CEP68: variants seen among roughly 807,000 people sequenced by gnomAD.
CEP68 encodes the protein centrosomal protein 68.
In CEP68, 26 loss-of-function variants were observed where a neutral mutation model predicts 55.3. That is an observed-to-expected ratio of 0.47 (90% CI 0.34 to 0.65). CEP68 has a LOEUF of 0.65. Among genes scored for constraint, CEP68 ranks in the 30% least tolerant of loss-of-function variants. CEP68 has a pLI of 0.01. For synonymous variants in CEP68, 402 were observed against 383.2 expected, an observed-to-expected ratio of 1.05 and a Z score of -0.57; for missense variants, 957 against 946.7, an observed-to-expected ratio of 1.01 and a Z score of -0.14.
At chr2:65,073,049 C>T (rs114601326) in intron 3 of CEP68, 69 bp downstream of exon 3, 18,789 of 1,520,602 alleles carry the variant, frequency 0.012, 145 homozygotes, top group Non-Finnish European at 0.015. Flanking sequence ...CCACTAACAT[C>T]ATAATAAAAC....
At chr2:65,080,025 C>A (rs1192944540) in intron 5 of CEP68, among the ~76,000 whole-genome samples, 1 of 151,890 alleles carries the variant, frequency 6.6e-6, no homozygotes, top group Non-Finnish European at 1.5e-5. Flanking sequence ...CCCAGCCACT[C>A]TGGAGGCTGA....
intron 1 of CEP68, among the ~76,000 whole-genome samples, chr2:65,060,542 C>T (rs1414557022): frequency 6.6e-6 from 1 of 151,552 alleles, no homozygotes; most frequent in Non-Finnish European, 1.5e-5. Flanking sequence ...CCAGTCCGGG[C>T]AACATAGCGA....
chr2:65,071,848 A>G lies in CEP68; in HGVS notation c.752A>G (p.Gln251Arg). The change falls in exon 3 of 7, where the codon CAG becomes CGG. Residue 251 changes from glutamine to arginine, a missense_variant. Physicochemically the swap from Gln to Arg is conservative, Grantham distance 43 (BLOSUM62 1). Transcript: ENST00000377990. Reference protein sequence around the residue: ...GLGPRPQWSPQPVFSGGDASG... With the variant: ...GLGPRPQWSPRPVFSGGDASG... Reference sequence around the variant, plus strand: ...GGACCTCGGCCCCAGTGGTCACCACAGCCTGTGTTCTCTGGGGGTGATGCT... The same window carrying G: ...GGACCTCGGCCCCAGTGGTCACCACGGCCTGTGTTCTCTGGGGGTGATGCT... 1 of 1,605,608 alleles carries G rather than the reference A, an allele frequency of 6.2e-7. No homozygotes were observed. The highest frequency in any genetic ancestry group is 1.3e-5 in the African/African-American group (1 of 74,812).
chr2:65,085,181 G>A lies in CEP68; in HGVS notation c.*1547G>A, dbSNP rs923391690. 1.3e-5 allele frequency: 2 copies of A among 152,296 alleles called. No individual in the cohort carries two copies. Among genetic ancestry groups the A allele is most frequent in the Non-Finnish European group, 1.5e-5 (1 of 68,026 alleles). 9.4% of individuals were successfully genotyped at this position (152,296 alleles called of 1,614,324 possible). A position where few individuals can be genotyped will look rare whatever the true frequency, so the allele number is the denominator to read the frequency against. Reference sequence around the variant, plus strand: ...TTACTAATATTTGACAGGCATAGAAGTGTATTAATTAGCATAAAAGTTGGA... The same window carrying A: ...TTACTAATATTTGACAGGCATAGAAATGTATTAATTAGCATAAAAGTTGGA... On this transcript the variant is annotated 3_prime_UTR_variant, in exon 7 of 7. Transcript: ENST00000377990.
At chr2:65,063,782 C>A (rs146241985) in intron 1 of CEP68, among the ~76,000 whole-genome samples, 1 of 152,162 alleles carries the variant, frequency 6.6e-6, no homozygotes, top group Admixed American at 6.6e-5. Flanking sequence ...GTGTTTTCTT[C>A]GGCATGATTG....
Position 65,086,662 on chromosome 2 carries a change from T to A in CEP68, c.*3028T>A, listed in dbSNP as rs1260719771. 1 of 152,438 alleles carries A rather than the reference T, an allele frequency of 6.6e-6. No individual in the cohort carries two copies. The highest frequency in any genetic ancestry group is 1.5e-5 in the Non-Finnish European group (1 of 68,050). The allele number at this position is 152,438 out of a possible 1,614,324, so 9.4% of individuals were successfully genotyped here. A position where few individuals can be genotyped will look rare whatever the true frequency, so the allele number is the denominator to read the frequency against. ...GTGCACGGCATGGCATCACAGTATC[T>A]TGACATTTGTTTTGTGTCATTTAGC... On this transcript the variant is annotated 3_prime_UTR_variant, in exon 7 of 7. Transcript: ENST00000377990.
At chr2:65,078,488 TGA>T (rs974771111) in intron 5 of CEP68, among the ~76,000 whole-genome samples, 13 of 152,278 alleles carry the variant, frequency 8.5e-5, no homozygotes, top group Admixed American at 3.3e-4. Context: ...GAAGAACTGA[TGA>T]GAGGGGACAG....
intron 5 of CEP68, among the ~76,000 whole-genome samples, chr2:65,078,823 C>A (rs761809265): frequency 5.3e-5 from 8 of 152,224 alleles, no homozygotes; most frequent in Non-Finnish European, 8.8e-5. Context: ...GGATTACAGG[C>A]GTGAGCCACT....
At chr2:65,056,959 G>A (rs976543386) in intron 1 of CEP68, among the ~76,000 whole-genome samples, 1 of 152,214 alleles carries the variant, frequency 6.6e-6, no homozygotes, top group African/African-American at 2.4e-5. Context: ...TCCCCAGTCG[G>A]GGCTAATGCA....
Position 65,082,574 on chromosome 2 carries a change from G to T in CEP68, c.2143G>T (p.Gly715Cys), listed in dbSNP as rs1668883797. The change falls in exon 6 of 7, where the codon GGT becomes TGT. Residue 715 changes from glycine (G) to cysteine (C), a missense_variant. By Grantham distance (159) the Gly-to-Cys change is radical (BLOSUM62 -3). Coordinates refer to ENST00000377990, the MANE Select transcript of CEP68 (RefSeq NM_015147.3). ...CCTTGGGAGGATCGCAAAGCAGTCT[G>T]GTGAGCTGGAGAGCCACGCAGATCG... ...DVLGRIAKQS[G>C]ELESHADRLY... 3 of 1,598,566 alleles carry T rather than the reference G, an allele frequency of 1.9e-6. No individual in the cohort carries two copies. Among genetic ancestry groups the T allele is most frequent in the Non-Finnish European group, 2.6e-6 (3 of 1,175,304 alleles).
In CEP68 at chr2:65,072,422, C is replaced by A; in HGVS notation, c.1326C>A (p.Asp442Glu). 1.2e-6 allele frequency: 2 copies of A among 1,614,042 alleles called. No individual in the cohort carries two copies. The highest frequency in any genetic ancestry group is 1.1e-5 in the South Asian group (1 of 91,082). ...DMGSPQLRTR[D>E]RGWPSPRPER... is the part of the protein sequence containing the mutation. ...GCTCTCCCCAGCTAAGGACACGGGA[C>A]AGAGGGTGGCCCTCGCCCAGGCCAG... Residue 442 changes from aspartate (D) to glutamate (E), a missense_variant, in exon 3 of 7, where the codon GAC becomes GAA. By Grantham distance (45) the Asp-to-Glu change is conservative. Transcript: ENST00000377990.
At chr2:65,082,749 C>G in intron 6 of CEP68, 40 bp downstream of exon 6, 1 of 1,480,052 alleles carries the variant, frequency 6.8e-7, no homozygotes, top group Non-Finnish European at 9.0e-7. Flanking sequence ...GCCCACCAAC[C>G]CTGCTGTAAC....
intron 1 of CEP68, among the ~76,000 whole-genome samples, chr2:65,068,212 G>A (rs1388764755): frequency 6.6e-6 from 1 of 152,084 alleles, no homozygotes; most frequent in African/African-American, 2.4e-5. Flanking sequence ...CCTCCTGTTG[G>A]CTTTTTGGCC....
In CEP68 at chr2:65,072,092, CG is replaced by C. The variant is rs762904100; in HGVS notation, c.1000del (p.Val334Ter). The C allele has an allele frequency of 2.5e-6, 4 of 1,613,932 alleles. No homozygotes were observed. The highest frequency in any genetic ancestry group is 3.4e-6 in the Non-Finnish European group (4 of 1,180,026). ...VPADPVLQDSGVDLDSFSVSP... is the reference protein window; with the variant it reads ...VPADPVLQDSXVDLDSFSVSP... ...CAGCTGACCCTGTCCTGCAGGACTC[CG>C]GGGTAGACCTGGATAGCTTCTCTGT... On this transcript the variant is annotated frameshift_variant, in exon 3 of 7. Transcript: ENST00000377990. LOFTEE classifies it high-confidence loss of function.
At chr2:65,064,047 A>G (rs1258804123) in intron 1 of CEP68, among the ~76,000 whole-genome samples, 3 of 152,228 alleles carry the variant, frequency 2.0e-5, no homozygotes, top group African/African-American at 7.2e-5. Flanking sequence ...TATCCAGTCT[A>G]AGAAAGTAAC....
intron 4 of CEP68, among the ~76,000 whole-genome samples, chr2:65,076,995 C>CT (rs573128823): frequency 0.65 from 76,673 of 118,234 alleles, 25,530 homozygotes; most frequent in African/African-American, 0.66. Context: ...TTGACTTTAC[C>CT]TTTTTTTTTT....
chr2:65,057,208 AGCCTGCCAGGGCAGATTGGACCTCACT>A (rs1675669132), intron 1 of CEP68, among the ~76,000 whole-genome samples: 1 of 152,250 alleles, frequency 6.6e-6, no homozygotes, highest in African/African-American at 2.4e-5. Context: ...AATGAGCGGA[AGCCTGCCAGGGCAGATTGGACCTCACT>A]GGGAATTCAT....
intron 1 of CEP68, among the ~76,000 whole-genome samples, chr2:65,057,585 C>G (rs961417539): frequency 2.0e-5 from 3 of 152,202 alleles, no homozygotes; most frequent in African/African-American, 7.2e-5. Flanking sequence ...TCTGTTTTTA[C>G]TCATCACACT....
chr2:65,068,949 T>G (rs890025808), intron 1 of CEP68, among the ~76,000 whole-genome samples: 4 of 152,196 alleles, frequency 2.6e-5, no homozygotes, highest in Admixed American at 2.0e-4. Flanking sequence ...TGACTTGCTG[T>G]TCTCTAGGAT....
Sources: gnomAD v4.1 joint callset for allele counts (sites outside exome capture counted in the v4.1 genomes callset) on GRCh38, gnomAD v4.1.1 for gene constraint, MANE v1.5 for transcripts, NCBI Gene and HGNC (gene_info 2026-07-23, HGNC 2026-07-21) for gene names.